Variants in ICE2 observed in about 807,000 individuals in gnomAD.
ICE2 encodes little elongation complex subunit 2.
Under a neutral mutation model 105.4 loss-of-function variants are expected in ICE2, and 87 were observed. The observed-to-expected ratio is 0.83, with a 90% CI of 0.69 to 0.99. The LOEUF (loss-of-function observed/expected upper bound fraction) is 0.99. Among genes scored for constraint, ICE2 ranks in the 50% least tolerant of loss-of-function variants. ICE2 has a pLI of 0.00. For missense variants in ICE2, 1,323 were observed against 1,146.7 expected (o/e 1.15, Z -2.22); for synonymous variants, 399 against 392.0 (o/e 1.02, Z -0.21).
intron 12 of ICE2, among the ~76,000 whole-genome samples, chr15:60,437,365 G>A (rs940148046): frequency 2.7e-5 from 4 of 150,798 alleles, no homozygotes; most frequent in Non-Finnish European, 4.4e-5. Context: ...ACAAAGTTTC[G>A]CTCTTGTTGC....
chr15:60,466,475 G>T, intron 5 of ICE2, 119 bp downstream of exon 5: 1 of 1,133,142 alleles, frequency 8.8e-7, no homozygotes, highest in Non-Finnish European at 1.3e-6. Context: ...AAAGACCTGT[G>T]GTTTTTAAAT....
chr15:60,456,740 G>A lies in ICE2; in HGVS notation c.583C>T (p.Leu195Phe), dbSNP rs528644415. The A allele has an allele frequency of 1.3e-6, 2 of 1,579,368 alleles. No individual in the cohort carries two copies. Among genetic ancestry groups the A allele is most frequent in the South Asian group, 1.2e-5 (1 of 86,186 alleles). ...QVKKYSEFYTLHEVTSLMGFF... is the reference protein window; with the variant it reads ...QVKKYSEFYTFHEVTSLMGFF... ...CCCATTAAGCTGGTGACCTCGTGGA[G>A]AGTATAGAATTCTGAATACTTTTTC... The change falls in exon 6 of 16, where the codon CTC becomes TTC. Residue 195 changes from leucine (L) to phenylalanine (F), a missense_variant. Physicochemically the swap from Leu to Phe is conservative, Grantham distance 22. Coordinates refer to ENST00000261520, the MANE Select transcript of ICE2 (RefSeq NM_024611.6).
intron 9 of ICE2, chr15:60,452,838 G>A: frequency 1.0e-6 from 1 of 983,580 alleles, no homozygotes; most frequent in Non-Finnish European, 1.2e-6. Context: ...ATCTGCCCGA[G>A]GTCACATAGC....
At chr15:60,441,926 A>T (rs1305663351) in intron 12 of ICE2, 1 of 152,214 alleles carries the variant, frequency 6.6e-6, no homozygotes, top group Non-Finnish European at 1.5e-5. Context: ...TAGGTCAATA[A>T]ATAGTTAACC....
At chr15:60,448,746 C>T (rs540599656) in intron 10 of ICE2, 102 bp downstream of exon 10, 26 of 982,444 alleles carry the variant, frequency 2.6e-5, no homozygotes, top group Non-Finnish European at 3.4e-5. Context: ...GACTATATGA[C>T]AATTACAAAA....
In ICE2 at chr15:60,453,726, A is replaced by C. The variant is rs754815689; in HGVS notation, c.1002T>G (p.Thr334=). 6.2e-7 allele frequency: 1 copy of C among 1,606,284 alleles called. No individual in the cohort carries two copies. Among genetic ancestry groups the C allele is most frequent in the South Asian group, 1.1e-5 (1 of 90,906 alleles). The stretch of plus-strand genomic sequence containing the variant: ...GAAAGATTTGATTTCTCTCTCTCAT[A>C]GTCATTTTCTTTTGGGGAAGTGGTG... ...INSPLPQKKM[T]MRERNQIFHE... is the part of the protein sequence containing the mutation. Residue 334 remains threonine (T), a synonymous_variant, in exon 9 of 16, where the codon ACT becomes ACG. Coordinates refer to ENST00000261520, the MANE Select transcript of ICE2 (RefSeq NM_024611.6).
chr15:60,449,478 TTGATACCTTTTCACATGA>T lies in ICE2; in HGVS notation c.1471_1488del (p.Ser491_Ser496del). Reference sequence around the variant, plus strand: ...TCTTGTATCAAAGGCTTGTCAGAATTTGATACCTTTTCACATGATTCAAATCCCTGATCATCTTTATTT... The same window carrying T: ...TCTTGTATCAAAGGCTTGTCAGAATTTTCAAATCCCTGATCATCTTTATTT... On this transcript the variant is annotated inframe_deletion, in exon 10 of 16. Coordinates refer to ENST00000261520, the MANE Select transcript of ICE2 (RefSeq NM_024611.6). 6.2e-7 allele frequency: 1 copy of T among 1,614,202 alleles called. No individual in the cohort carries two copies. Among genetic ancestry groups the T allele is most frequent in the Non-Finnish European group, 8.5e-7 (1 of 1,180,032 alleles).
intron 10 of ICE2, among the ~76,000 whole-genome samples, chr15:60,448,627 TTAG>T (rs2063880773): frequency 1.3e-5 from 2 of 152,296 alleles, no homozygotes; most frequent in South Asian, 4.2e-4. Context: ...ACTGTACATG[TTAG>T]ATAAACACAA....
At chr15:60,451,632 G>A in intron 9 of ICE2, 1 of 984,622 alleles carries the variant, frequency 1.0e-6, no homozygotes, top group Middle Eastern at 5.2e-4. Context: ...GCACAATCCA[G>A]AAAAAGCATT....
chr15:60,447,811 C>T (rs72746680), intron 11 of ICE2, 159 bp downstream of exon 11: 41,275 of 564,868 alleles, frequency 0.073, 1,983 homozygotes, highest in South Asian at 0.14. Context: ...TTATTAAAAT[C>T]GATCTCAGCA....
At chr15:60,477,429 TG>T (rs1422899416) in intron 2 of ICE2, among the ~76,000 whole-genome samples, 1 of 152,234 alleles carries the variant, frequency 6.6e-6, no homozygotes, top group Non-Finnish European at 1.5e-5. Flanking sequence ...TGTGTTAAAA[TG>T]AACTAAAGCA....
Position 60,456,917 on chromosome 15 carries a change from G to A in ICE2, c.529-123C>T, listed in dbSNP as rs2064143017. The A allele has an allele frequency of 3.5e-5, 16 of 452,750 alleles. 1 individual carries two copies. In the South Asian group the frequency reaches 5.4e-4, roughly 15 times the overall value. The allele number at this position is 452,750 out of a possible 1,614,324, so 28.0% of individuals were successfully genotyped here. ...AAATTAGCCCGATTTCATTAATCAAGCTACTAATACACACATTGTATATTC... is the reference window on the plus strand; with the variant it reads ...AAATTAGCCCGATTTCATTAATCAAACTACTAATACACACATTGTATATTC... On this transcript the variant is annotated intron_variant, in intron 5 of 15. Transcript: ENST00000261520.
chr15:60,424,156 C>T (rs1012445805), intron 15 of ICE2, among the ~76,000 whole-genome samples: 4 of 151,316 alleles, frequency 2.6e-5, no homozygotes, highest in African/African-American at 9.7e-5. Context: ...AAAGGAAATA[C>T]AAGAAGGTCA....
At chr15:60,453,061 T>C (rs2064003398) in intron 9 of ICE2, 1 of 711,672 alleles carries the variant, frequency 1.4e-6, no homozygotes, top group African/African-American at 1.9e-5. Flanking sequence ...CGAAATCTCA[T>C]CTCTACTAAA....
intron 11 of ICE2, chr15:60,445,821 TCA>T (rs1265850043): frequency 4.1e-6 from 4 of 977,484 alleles, no homozygotes; most frequent in Non-Finnish European, 4.9e-6. Flanking sequence ...TGGTATGGGT[TCA>T]CAGAGTAGGA....
chr15:60,428,757 A>T, intron 14 of ICE2, 70 bp from the exon 15 acceptor site: 1 of 1,502,782 alleles, frequency 6.7e-7, no homozygotes, highest in South Asian at 1.3e-5. Context: ...TCTTAATCAT[A>T]ATCTATTAGT....
At chr15:60,468,745 G>C (rs558413810) in intron 3 of ICE2, among the ~76,000 whole-genome samples, 1 of 152,298 alleles carries the variant, frequency 6.6e-6, no homozygotes, top group Non-Finnish European at 1.5e-5. Flanking sequence ...GAATGTAAAG[G>C]AATCACAAAT....
In ICE2 at chr15:60,449,841, T is replaced by C. The variant is rs753454520; in HGVS notation, c.1126A>G (p.Met376Val). ...KPEEFISEMDMSCEVNECRKI... is the reference protein window; with the variant it reads ...KPEEFISEMDVSCEVNECRKI... ...CGGCACTCGTTGACTTCACAGGACA[T>C]CTTATGTAAATAAATTGGTAAAGTA... Residue 376 changes from methionine to valine, a missense_variant and splice_region_variant, in exon 10 of 16, where the codon ATG becomes GTG. Physicochemically the swap from Met to Val is conservative, Grantham distance 21. Coordinates refer to ENST00000261520, the MANE Select transcript of ICE2 (RefSeq NM_024611.6). 1.3e-5 allele frequency: 21 copies of C among 1,603,102 alleles called. No homozygotes were observed. Among genetic ancestry groups the C allele is most frequent in the East Asian group, 2.2e-5 (1 of 44,850 alleles).
chr15:60,467,254 G>A (rs2064457262), intron 4 of ICE2, among the ~76,000 whole-genome samples: 1 of 152,012 alleles, frequency 6.6e-6, no homozygotes, highest in Non-Finnish European at 1.5e-5. Context: ...TGAGCCACTG[G>A]GCCTGGCCTC....
Sources: allele counts gnomAD v4.1 joint callset (sites outside exome capture counted in the v4.1 genomes callset), GRCh38; gene constraint gnomAD v4.1.1; transcripts MANE v1.5; gene names NCBI Gene and HGNC (gene_info 2026-07-23, HGNC 2026-07-21).